The following NKAIN3 variants were observed in gnomAD, a reference collection of about 807,000 sequenced individuals.
The protein encoded by NKAIN3 is sodium/potassium-transporting ATPase subunit beta-1-interacting protein 3.
In NKAIN3, 25 loss-of-function variants were observed where a neutral mutation model predicts 30.2. That is an observed-to-expected ratio of 0.83 (90% CI 0.60 to 1.16). NKAIN3 has a LOEUF of 1.16. Among genes scored for constraint, NKAIN3 ranks in the 50% most tolerant of loss-of-function variants. The pLI, the probability that NKAIN3 is intolerant of heterozygous loss-of-function variation, is 0.00. For missense variants in NKAIN3, 225 were observed against 254.1 expected, an observed-to-expected ratio of 0.89 and a Z score of 0.78; for synonymous variants, 91 against 89.6, an observed-to-expected ratio of 1.02 and a Z score of -0.09.
rs147393624 is a variant in NKAIN3, at chr8:62,713,316, T to C, written c.274-33616T>C. Among the ~76,000 whole-genome samples the C allele has an allele frequency of 4.9e-3, 749 of 152,316 alleles. 4 individuals are homozygous for C. The highest frequency in any genetic ancestry group is 0.017 in the African/African-American group (710 of 41,580). On this transcript the variant is annotated intron_variant, in intron 3 of 6. Transcript: ENST00000623646. ...GACACTTACCTGGTATTTGTAGGATTGAATAAATGAATATTTTAAACACAT... is the reference window on the plus strand; with the variant it reads ...GACACTTACCTGGTATTTGTAGGATCGAATAAATGAATATTTTAAACACAT...
At chr8:62,675,711 G>T (rs758620404) in intron 3 of NKAIN3, among the ~76,000 whole-genome samples, 1 of 152,140 alleles carries the variant, frequency 6.6e-6, no homozygotes, top group Non-Finnish European at 1.5e-5. Context: ...CCAGGCAATG[G>T]CATGCTGGTG....
intron 1 of NKAIN3, among the ~76,000 whole-genome samples, chr8:62,331,711 A>G (rs946307525): frequency 1.3e-5 from 2 of 152,182 alleles, no homozygotes; most frequent in African/African-American, 4.8e-5. Flanking sequence ...ACTATCAAGC[A>G]TGAAGAGACA....
At chr8:62,778,860 A>G (rs1256610501) in intron 4 of NKAIN3, among the ~76,000 whole-genome samples, 2 of 152,092 alleles carry the variant, frequency 1.3e-5, no homozygotes, top group African/African-American at 4.8e-5. Context: ...ACCTAGGCTC[A>G]CAGTGGGTAC....
At chr8:62,292,353 T>C (rs1015356769) in intron 1 of NKAIN3, among the ~76,000 whole-genome samples, 9 of 152,212 alleles carry the variant, frequency 5.9e-5, no homozygotes, top group Non-Finnish European at 1.0e-4. Context: ...CAATTTTGCA[T>C]GTTTTTGCAG....
chr8:62,916,606 C>T (rs1822112828), intron 4 of NKAIN3, among the ~76,000 whole-genome samples: 1 of 152,132 alleles, frequency 6.6e-6, no homozygotes, highest in South Asian at 2.1e-4. Flanking sequence ...CTTTTAGCTC[C>T]TCAGAGATAT....
intron 1 of NKAIN3, among the ~76,000 whole-genome samples, chr8:62,352,427 C>T (rs1245419601): frequency 2.0e-5 from 3 of 152,098 alleles, no homozygotes; most frequent in Admixed American, 6.6e-5. Flanking sequence ...ACTTGAAGTG[C>T]TTTGAAAGAA....
At chr8:62,270,218 C>G (rs1812738965) in intron 1 of NKAIN3, among the ~76,000 whole-genome samples, 1 of 151,948 alleles carries the variant, frequency 6.6e-6, no homozygotes, top group Non-Finnish European at 1.5e-5. Flanking sequence ...TAGCTGGTAT[C>G]ACAGTCATGT....
chr8:62,940,530 C>T (rs1323824476), intron 5 of NKAIN3, among the ~76,000 whole-genome samples: 1 of 152,064 alleles, frequency 6.6e-6, no homozygotes, highest in Non-Finnish European at 1.5e-5. Context: ...CAAAACCAGT[C>T]TCAACAAATT....
In NKAIN3 at chr8:62,320,788, C is replaced by G. The variant is rs111675033; in HGVS notation, c.54+71661C>G. Among the ~76,000 whole-genome samples, 7 of 152,054 alleles carry G rather than the reference C, an allele frequency of 4.6e-5. No individual in the cohort carries two copies. In the South Asian group the frequency reaches 6.2e-4, roughly 14 times the overall value. On this transcript the variant is annotated intron_variant, in intron 1 of 6. Transcript: ENST00000623646. ...ACATTTTTTCCTTCATTTCAACTTT[C>G]GTGAATCTGACAATTATGTGTCTTG...
chr8:62,269,955 G>T (rs778854444), intron 1 of NKAIN3, among the ~76,000 whole-genome samples: 8 of 152,088 alleles, frequency 5.3e-5, no homozygotes, highest in Non-Finnish European at 7.4e-5. Flanking sequence ...GTATAAAAAA[G>T]TAATTTATGT....
chr8:62,826,331 T>C (rs770962770), intron 4 of NKAIN3, among the ~76,000 whole-genome samples: 2 of 152,134 alleles, frequency 1.3e-5, no homozygotes, highest in African/African-American at 4.8e-5. Flanking sequence ...AAATGAACTT[T>C]ATTTATTTAA....
At chr8:62,605,774 G>A (rs919319441) in intron 3 of NKAIN3, among the ~76,000 whole-genome samples, 1 of 151,912 alleles carries the variant, frequency 6.6e-6, no homozygotes, top group Non-Finnish European at 1.5e-5. Context: ...TTTATTTCAG[G>A]GATTTGAGCA....
chr8:62,329,887 C>G (rs1815281862), intron 1 of NKAIN3, among the ~76,000 whole-genome samples: 1 of 151,936 alleles, frequency 6.6e-6, no homozygotes, highest in Admixed American at 6.6e-5. Flanking sequence ...AATAGTAGTA[C>G]TATTTTAAGT....
chr8:62,673,450 A>C (rs2130393387), intron 3 of NKAIN3, among the ~76,000 whole-genome samples: 1 of 152,318 alleles, frequency 6.6e-6, no homozygotes, highest in Middle Eastern at 3.4e-3. Flanking sequence ...GCCACACATG[A>C]AAAAGGAAGG....
At chr8:62,962,560 C>T (rs1287096354) in intron 6 of NKAIN3, among the ~76,000 whole-genome samples, 1 of 152,196 alleles carries the variant, frequency 6.6e-6, no homozygotes, top group East Asian at 1.9e-4. Context: ...TAATTCTTTG[C>T]AGTGGGTCTG....
chr8:62,655,990 G>T (rs1421964661), intron 3 of NKAIN3, among the ~76,000 whole-genome samples: 1 of 151,974 alleles, frequency 6.6e-6, no homozygotes, highest in Non-Finnish European at 1.5e-5. Flanking sequence ...ATATCCAAAT[G>T]AAATTAAACA....
chr8:62,450,796 G>GA (rs2129598839), intron 1 of NKAIN3, among the ~76,000 whole-genome samples: 1 of 152,164 alleles, frequency 6.6e-6, no homozygotes, highest in South Asian at 2.1e-4. Flanking sequence ...CCTGCAGAAG[G>GA]AAAAAATGAT....
intron 1 of NKAIN3, among the ~76,000 whole-genome samples, chr8:62,281,253 A>C (rs1813176060): frequency 6.7e-6 from 1 of 149,888 alleles, no homozygotes; most frequent in African/African-American, 2.5e-5. Flanking sequence ...CATCTATTTG[A>C]TTCTTCTCTC....
chr8:62,429,378 T>C (rs1804922768), intron 1 of NKAIN3, among the ~76,000 whole-genome samples: 1 of 151,984 alleles, frequency 6.6e-6, no homozygotes, highest in African/African-American at 2.4e-5. Flanking sequence ...ATGGTTTTTG[T>C]ACTTGATTCT....
Sources: gnomAD v4.1 joint callset for allele counts (sites outside exome capture counted in the v4.1 genomes callset) on GRCh38, gnomAD v4.1.1 for gene constraint, MANE v1.5 for transcripts, NCBI Gene and HGNC (gene_info 2026-07-23, HGNC 2026-07-21) for gene names.